The following CTNND2 variants were observed in gnomAD, a reference collection of about 807,000 sequenced individuals.
CTNND2 encodes catenin delta 2, also known as catenin delta-2.
A neutral mutation model predicts 144.4 loss-of-function variants in CTNND2; 22 were observed. That is an observed-to-expected ratio of 0.15 (90% CI 0.11 to 0.22). The LOEUF (loss-of-function observed/expected upper bound fraction) is 0.22. Among genes scored for constraint, CTNND2 ranks in the 10% least tolerant of loss-of-function variants. The pLI, the probability that CTNND2 is intolerant of heterozygous loss-of-function variation, is 1.00. For synonymous variants in CTNND2, 751 were observed against 695.6 expected (o/e 1.08, Z -1.25); for missense variants, 1,353 against 1,618.8 (o/e 0.84, Z 2.82).
intron 9 of CTNND2, among the ~76,000 whole-genome samples, chr5:11,323,088 G>A (rs1752192498): frequency 6.6e-6 from 1 of 152,126 alleles, no homozygotes; most frequent in African/African-American, 2.4e-5. Flanking sequence ...GCCCCGGCTT[G>A]AGTACTATGG....
At chr5:11,704,543 G>A (rs1336305691) in intron 2 of CTNND2, among the ~76,000 whole-genome samples, 1 of 152,156 alleles carries the variant, frequency 6.6e-6, no homozygotes, top group East Asian at 1.9e-4. Context: ...TCAAGTTCCA[G>A]TTTCCAGAGG....
At position 11,340,110 on chromosome 5, in the gene CTNND2, C is replaced by G. The variant is rs406547; in HGVS notation, c.1628+6262G>C. Among the ~76,000 whole-genome samples, 139 of 152,302 alleles carry G rather than the reference C, an allele frequency of 9.1e-4. 1 individual carries two copies. The highest frequency in any genetic ancestry group is 3.2e-3 in the African/African-American group (131 of 41,586). On this transcript the variant is annotated intron_variant, in intron 9 of 21. Coordinates refer to ENST00000304623, the MANE Select transcript of CTNND2 (RefSeq NM_001332.4). Reference sequence around the variant, plus strand: ...TCCCACTGGCTACCCTCCTCCATTTCCAGACCTCTTTTCTTTTTAACTGTC... The same window carrying G: ...TCCCACTGGCTACCCTCCTCCATTTGCAGACCTCTTTTCTTTTTAACTGTC...
At chr5:11,744,891 G>A (rs1310511121) in intron 1 of CTNND2, among the ~76,000 whole-genome samples, 4 of 151,724 alleles carry the variant, frequency 2.6e-5, no homozygotes, top group African/African-American at 7.3e-5. Flanking sequence ...ATGTGCCACC[G>A]CGTCCAGCTA....
At chr5:11,777,039 A>C (rs1790292743) in intron 1 of CTNND2, among the ~76,000 whole-genome samples, 1 of 152,250 alleles carries the variant, frequency 6.6e-6, no homozygotes, top group Non-Finnish European at 1.5e-5. Context: ...TTAATTAAGT[A>C]ATTCTCAATA....
chr5:11,866,787 C>T (rs1236639814), intron 1 of CTNND2, among the ~76,000 whole-genome samples: 1 of 152,204 alleles, frequency 6.6e-6, no homozygotes, highest in Non-Finnish European at 1.5e-5. Flanking sequence ...AAAGAGAAAT[C>T]ACATGCCATT....
chr5:11,228,636 C>T (rs1740633130), intron 10 of CTNND2, among the ~76,000 whole-genome samples: 1 of 152,018 alleles, frequency 6.6e-6, no homozygotes. Context: ...CAGTGGGGCA[C>T]CACCATGCCC....
At chr5:11,028,946 T>G (rs1372326284) in intron 16 of CTNND2, among the ~76,000 whole-genome samples, 1 of 152,240 alleles carries the variant, frequency 6.6e-6, no homozygotes, top group Non-Finnish European at 1.5e-5. Flanking sequence ...TGGCCTCAAG[T>G]GATCTGCCCA....
intron 5 of CTNND2, among the ~76,000 whole-genome samples, chr5:11,408,345 A>T (rs1761254088): frequency 6.6e-6 from 1 of 152,178 alleles, no homozygotes; most frequent in African/African-American, 2.4e-5. Flanking sequence ...AATGATAGTT[A>T]TCTACCCAAT....
chr5:10,978,946 C>T (rs1736857571), intron 21 of CTNND2, among the ~76,000 whole-genome samples: 1 of 152,212 alleles, frequency 6.6e-6, no homozygotes, highest in Admixed American at 6.5e-5. Context: ...AGATGGCAAG[C>T]AGTCTTTTGG....
chr5:11,123,537 C>T (rs987098622), intron 12 of CTNND2, among the ~76,000 whole-genome samples: 14 of 152,234 alleles, frequency 9.2e-5, no homozygotes, highest in Non-Finnish European at 1.8e-4. Flanking sequence ...GAGGTCTGCT[C>T]TGGATAGCTG....
chr5:10,993,642 T>C (rs981309000), intron 18 of CTNND2, among the ~76,000 whole-genome samples: 1 of 152,170 alleles, frequency 6.6e-6, no homozygotes, highest in South Asian at 2.1e-4. Flanking sequence ...AGGGGCTCAA[T>C]GCTTTGTTCT....
intron 12 of CTNND2, among the ~76,000 whole-genome samples, chr5:11,119,563 T>C (rs1753878240): frequency 6.6e-6 from 1 of 152,254 alleles, no homozygotes; most frequent in Non-Finnish European, 1.5e-5. Context: ...GGCATTTGGA[T>C]ATTATTTTAA....
chr5:11,712,743 T>G (rs1416588748), intron 2 of CTNND2, among the ~76,000 whole-genome samples: 1 of 152,198 alleles, frequency 6.6e-6, no homozygotes, highest in Non-Finnish European at 1.5e-5. Flanking sequence ...AAAAGAGTCG[T>G]TCATCCTAGA....
intron 1 of CTNND2, among the ~76,000 whole-genome samples, chr5:11,810,881 C>T (rs1792295343): frequency 6.6e-6 from 1 of 151,784 alleles, no homozygotes; most frequent in African/African-American, 2.4e-5. Context: ...AAAAAAAAGA[C>T]AGACTTTATG....
Position 11,384,612 on chromosome 5 carries a change from G to A in CTNND2, c.1177+53C>T. ...CTGCTCAAGCCGGGCTGCTGCTTCCGCGTCCCCGCCACGCGCCCAGGTGAG... is the reference window on the plus strand; with the variant it reads ...CTGCTCAAGCCGGGCTGCTGCTTCCACGTCCCCGCCACGCGCCCAGGTGAG... On this transcript the variant is annotated intron_variant, in intron 7 of 21. Coordinates refer to ENST00000304623, the MANE Select transcript of CTNND2 (RefSeq NM_001332.4). This position sits in a 1 kb window ranked among gnomAD's most constrained non-coding sequence, Gnocchi z 5.2. 2 of 1,518,370 alleles carry A rather than the reference G, an allele frequency of 1.3e-6. No homozygotes were observed. Among genetic ancestry groups the A allele is most frequent in the African/African-American group, 1.4e-5 (1 of 72,348 alleles). 94.1% of individuals were successfully genotyped at this position (1,518,370 alleles called of 1,614,324 possible).
intron 3 of CTNND2, among the ~76,000 whole-genome samples, chr5:11,430,715 A>C (rs1763219561): frequency 6.6e-6 from 1 of 152,212 alleles, no homozygotes; most frequent in Non-Finnish European, 1.5e-5. Context: ...TCACATCACC[A>C]CCACCAACAT....
intron 7 of CTNND2, among the ~76,000 whole-genome samples, chr5:11,375,001 T>C (rs1419913666): frequency 6.6e-6 from 1 of 152,132 alleles, no homozygotes; most frequent in Non-Finnish European, 1.5e-5. Context: ...CAAGCAAGAA[T>C]AGGATTAAAC....
At chr5:11,240,218 A>G (rs2149903999) in intron 9 of CTNND2, among the ~76,000 whole-genome samples, 1 of 128,064 alleles carries the variant, frequency 7.8e-6, no homozygotes, top group South Asian at 2.6e-4. Flanking sequence ...CCCAACACAC[A>G]CACCCAACAC....
intron 16 of CTNND2, among the ~76,000 whole-genome samples, chr5:11,061,506 G>A (rs1272385998): frequency 6.6e-6 from 1 of 151,986 alleles, no homozygotes; most frequent in African/African-American, 2.4e-5. Context: ...TGCCACCTGC[G>A]AACCTCTCTC....
Sources: allele counts gnomAD v4.1 joint callset (sites outside exome capture counted in the v4.1 genomes callset), GRCh38; gene constraint gnomAD v4.1.1; non-coding constraint Gnocchi (gnomAD v3.1); transcripts MANE v1.5; gene names NCBI Gene and HGNC (gene_info 2026-07-23, HGNC 2026-07-21).